DLG2: variants seen among roughly 807,000 people sequenced by gnomAD.
DLG2 encodes disks large homolog 2.
A neutral mutation model predicts 132.5 loss-of-function variants in DLG2; 45 were observed. The ratio of observed to expected loss-of-function variants is 0.34; its 90% CI spans 0.27 to 0.44. The LOEUF is 0.44. Among genes scored for constraint, DLG2 ranks in the 20% least tolerant of loss-of-function variants. The pLI, the probability that DLG2 is intolerant of heterozygous loss-of-function variation, is 1.00. For missense variants in DLG2, 1,045 were observed against 1,196.9 expected, an observed-to-expected ratio of 0.87 and a Z score of 1.87; for synonymous variants, 424 against 419.6, an observed-to-expected ratio of 1.01 and a Z score of -0.13.
chr11:83,680,037 T>C (rs774095607), intron 18 of DLG2, among the ~76,000 whole-genome samples: 7 of 152,204 alleles, frequency 4.6e-5, no homozygotes, highest in Non-Finnish European at 8.8e-5. Flanking sequence ...GTTTTGTGTG[T>C]ATGTGTCCTG....
At chr11:84,856,033 G>T (rs1379644382) in intron 6 of DLG2, among the ~76,000 whole-genome samples, 1 of 151,824 alleles carries the variant, frequency 6.6e-6, no homozygotes, top group Non-Finnish European at 1.5e-5. Flanking sequence ...GGTCACAGAG[G>T]GTTGCATAAA....
chr11:83,561,883 C>CTTTTTTTTTTT (rs66514406), intron 19 of DLG2, among the ~76,000 whole-genome samples: 1 of 87,966 alleles, frequency 1.1e-5, no homozygotes, highest in Non-Finnish European at 2.1e-5. Context: ...GTATTTCTTT[C>CTTTTTTTTTTT]TTTTTTTTTT....
At chr11:83,932,647 T>A (rs1483400) in intron 14 of DLG2, among the ~76,000 whole-genome samples, 111,229 of 152,084 alleles carry the variant, frequency 0.73, 44,174 homozygotes, top group Non-Finnish European at 0.89. Context: ...TAGGCTACAG[T>A]CTGAACACAG....
intron 6 of DLG2, among the ~76,000 whole-genome samples, chr11:84,619,747 GCTT>G (rs1274885381): frequency 6.6e-6 from 1 of 151,390 alleles, no homozygotes; most frequent in African/African-American, 2.4e-5. Flanking sequence ...CAAAATTAAT[GCTT>G]TTTTTAAATG....
At chr11:83,676,590 T>C (rs2077734419) in intron 18 of DLG2, among the ~76,000 whole-genome samples, 2 of 152,190 alleles carry the variant, frequency 1.3e-5, no homozygotes, top group African/African-American at 2.4e-5. Flanking sequence ...AATAAACTTA[T>C]CTCATTTATA....
At chr11:85,310,284 T>C (rs955910620) in intron 3 of DLG2, among the ~76,000 whole-genome samples, 2 of 152,194 alleles carry the variant, frequency 1.3e-5, no homozygotes, top group Non-Finnish European at 2.9e-5. Context: ...GTGTCCTGGG[T>C]GGACAAAATA....
chr11:85,257,153 C>T (rs188230441), intron 4 of DLG2, among the ~76,000 whole-genome samples: 2 of 152,066 alleles, frequency 1.3e-5, no homozygotes, highest in East Asian at 3.9e-4. Context: ...TCTAGTGATA[C>T]AAAAAGTGGG....
intron 16 of DLG2, among the ~76,000 whole-genome samples, chr11:83,870,170 A>G (rs1565423598): frequency 6.6e-6 from 1 of 152,134 alleles, no homozygotes; most frequent in Non-Finnish European, 1.5e-5. Context: ...TACAAGTGCA[A>G]TTTTGTCACA....
chr11:84,611,845 A>G (rs2099596122), intron 6 of DLG2, among the ~76,000 whole-genome samples: 2 of 152,214 alleles, frequency 1.3e-5, no homozygotes, highest in African/African-American at 4.8e-5. Flanking sequence ...TATCTGAAGC[A>G]TCTAAACATA....
At chr11:83,515,379 T>A (rs1386822976) in intron 21 of DLG2, among the ~76,000 whole-genome samples, 1 of 152,164 alleles carries the variant, frequency 6.6e-6, no homozygotes, top group Non-Finnish European at 1.5e-5. Context: ...TGATATCCCC[T>A]TTATCATTTT....
chr11:84,520,920 T>C (rs897339736), intron 7 of DLG2, among the ~76,000 whole-genome samples: 10 of 152,220 alleles, frequency 6.6e-5, no homozygotes, highest in Non-Finnish European at 1.3e-4. Flanking sequence ...GGCACATTTC[T>C]GATGCCATGC....
intron 7 of DLG2, among the ~76,000 whole-genome samples, chr11:84,382,765 A>G (rs1601096286): frequency 6.6e-6 from 1 of 152,078 alleles, no homozygotes; most frequent in Admixed American, 6.6e-5. Flanking sequence ...CTGGCTTTAA[A>G]TACACAAAAA....
intron 6 of DLG2, chr11:84,640,406 G>A (rs2099656478): frequency 2.5e-6 from 1 of 406,396 alleles, no homozygotes; most frequent in South Asian, 2.4e-5. Context: ...CTCAAGCCCA[G>A]AACGATGAAT....
At chr11:85,193,383 T>C (rs374532578) in intron 4 of DLG2, among the ~76,000 whole-genome samples, 2 of 152,264 alleles carry the variant, frequency 1.3e-5, no homozygotes, top group East Asian at 3.8e-4. Flanking sequence ...CATTCATATA[T>C]AAGTTTTCAT....
intron 7 of DLG2, among the ~76,000 whole-genome samples, chr11:84,505,323 T>C (rs966941685): frequency 3.3e-5 from 5 of 152,198 alleles, no homozygotes; most frequent in Non-Finnish European, 7.4e-5. Context: ...TTGCATCAAG[T>C]ACTTACATAT....
intron 6 of DLG2, among the ~76,000 whole-genome samples, chr11:85,072,239 C>G (rs976863045): frequency 4.6e-5 from 7 of 151,832 alleles, no homozygotes; most frequent in South Asian, 2.1e-4. Context: ...ATAGCAGTCA[C>G]TCGTAAATGT....
At chr11:85,241,034 T>C (rs2075851528) in intron 4 of DLG2, among the ~76,000 whole-genome samples, 1 of 151,654 alleles carries the variant, frequency 6.6e-6, no homozygotes, top group Non-Finnish European at 1.5e-5. Context: ...TAAATATCTC[T>C]ATGAACATGA....
intron 12 of DLG2, among the ~76,000 whole-genome samples, chr11:83,973,868 GA>G (rs1179645718): frequency 6.6e-6 from 1 of 151,964 alleles, no homozygotes; most frequent in East Asian, 1.9e-4. Flanking sequence ...CCAGTGAAAG[GA>G]ATTTAACTTC....
intron 6 of DLG2, among the ~76,000 whole-genome samples, chr11:84,715,048 C>A (rs1414309970): frequency 1.3e-5 from 2 of 151,928 alleles, no homozygotes; most frequent in African/African-American, 2.4e-5. Flanking sequence ...AGGGTTAGGG[C>A]AGTTACAAAA....
Sources: allele counts gnomAD v4.1 joint callset (sites outside exome capture counted in the v4.1 genomes callset), GRCh38; gene constraint gnomAD v4.1.1; transcripts MANE v1.5; gene names NCBI Gene and HGNC (gene_info 2026-07-23, HGNC 2026-07-21).